The following ACO2 variants were observed in gnomAD, a reference collection of about 807,000 sequenced individuals.
The protein encoded by ACO2 is aconitate hydratase, mitochondrial.
Under a neutral mutation model 84.5 loss-of-function variants are expected in ACO2, and 31 were observed. The observed-to-expected ratio is 0.37, with a 90% CI of 0.28 to 0.50. ACO2 has a LOEUF of 0.50. Ranked by LOEUF, ACO2 falls within the 20% of genes least tolerant of loss-of-function variation. The pLI, the probability that ACO2 is intolerant of heterozygous loss-of-function variation, is 0.97. For missense variants in ACO2, 685 were observed against 1,029.3 expected (o/e 0.67, Z 4.58); for synonymous variants, 414 against 412.7 (o/e 1.00, Z -0.04).
Position 41,499,789 on chromosome 22 carries a change from A to G in ACO2, c.100A>G (p.Met34Val). 1 of 1,614,094 alleles carries G rather than the reference A, an allele frequency of 6.2e-7. No homozygotes were observed. Among genetic ancestry groups the G allele is most frequent in the Non-Finnish European group, 8.5e-7 (1 of 1,180,008 alleles). ...SVLCQRAKVA[M>V]SHFEPNEYIH... ...CCTGTGCCAACGGGCCAAGGTGGCG[A>G]TGAGCCACTTTGAGCCCAACGAGTA... is the stretch of plus-strand genomic sequence containing the variant. The change falls in exon 2 of 18, where the codon ATG (methionine) becomes GTG (valine). Residue 34 changes from methionine (M) to valine (V), a missense_variant. Met to Val is a conservative substitution (Grantham distance 21). Coordinates refer to ENST00000216254, the MANE Select transcript of ACO2 (RefSeq NM_001098.3).
At chr22:41,509,328 G>A (rs181599011) in intron 3 of ACO2, among the ~76,000 whole-genome samples, 2 of 152,150 alleles carry the variant, frequency 1.3e-5, no homozygotes, top group African/African-American at 2.4e-5. Flanking sequence ...TTCTTTATGT[G>A]CCAGGCACTG....
Position 41,528,641 on chromosome 22 carries a change from G to A in ACO2, c.*28G>A. On this transcript the variant is annotated 3_prime_UTR_variant, in exon 18 of 18. Transcript: ENST00000216254. ...GCAGTGCCTCCCCGCCCCGCCGCTG[G>A]CGTCAAGTTCAGCTCCACGTGTGCC... 1 of 1,608,200 alleles carries A rather than the reference G, an allele frequency of 6.2e-7. No individual in the cohort carries two copies. The highest frequency in any genetic ancestry group is 8.5e-7 in the Non-Finnish European group (1 of 1,178,812).
chr22:41,523,560 G>A (rs971686651), intron 11 of ACO2, among the ~76,000 whole-genome samples: 4 of 152,206 alleles, frequency 2.6e-5, no homozygotes, highest in African/African-American at 4.8e-5. Flanking sequence ...AGCCGTTTGG[G>A]AGGAGGCAGT....
intron 1 of ACO2, among the ~76,000 whole-genome samples, chr22:41,483,195 G>A (rs566714579): frequency 3.3e-5 from 5 of 152,310 alleles, no homozygotes; most frequent in African/African-American, 1.2e-4. Context: ...TGAGACGTAG[G>A]CTCCAAGTAT....
intron 9 of ACO2, chr22:41,521,341 A>G (rs1230677910): frequency 6.6e-6 from 1 of 152,272 alleles, no homozygotes; most frequent in Admixed American, 6.5e-5. Flanking sequence ...GCTGCTGGGT[A>G]CAGTGTGGCT....
chr22:41,479,178 A>C (rs1399031250), intron 1 of ACO2, among the ~76,000 whole-genome samples: 1 of 152,098 alleles, frequency 6.6e-6, no homozygotes, highest in Non-Finnish European at 1.5e-5. Flanking sequence ...GGTGGGACTA[A>C]GTACAGCCTC....
chr22:41,481,720 T>G (rs985947306), intron 1 of ACO2, among the ~76,000 whole-genome samples: 2 of 152,214 alleles, frequency 1.3e-5, no homozygotes, highest in Non-Finnish European at 2.9e-5. Flanking sequence ...CATCACGGCT[T>G]CTGCCAGAGG....
At chr22:41,492,009 G>A (rs2066274863) in intron 1 of ACO2, among the ~76,000 whole-genome samples, 1 of 152,170 alleles carries the variant, frequency 6.6e-6, no homozygotes, top group Non-Finnish European at 1.5e-5. Context: ...CACAGAAGGA[G>A]AGACCTGAGC....
intron 2 of ACO2, among the ~76,000 whole-genome samples, chr22:41,503,970 T>G (rs1207975951): frequency 6.6e-6 from 1 of 152,196 alleles, no homozygotes; most frequent in East Asian, 1.9e-4. Flanking sequence ...TCCCGGCACT[T>G]TGGGAGGCCG....
chr22:41,520,105 AGG>A (rs1333582686), intron 8 of ACO2, 64 bp from the exon 9 acceptor site: 2 of 1,410,398 alleles, frequency 1.4e-6, no homozygotes, highest in African/African-American at 2.8e-5. Flanking sequence ...GCAGTGAAAG[AGG>A]CTGTCCCCGC....
chr22:41,507,371 T>C (rs2066401239), intron 2 of ACO2, among the ~76,000 whole-genome samples: 1 of 152,110 alleles, frequency 6.6e-6, no homozygotes. Context: ...AGCTGTGAAC[T>C]TGGTCACTCT....
At chr22:41,508,803 AG>A in intron 3 of ACO2, among the ~76,000 whole-genome samples, 1 of 152,070 alleles carries the variant, frequency 6.6e-6, no homozygotes, top group East Asian at 1.9e-4. Context: ...CCCACTCTCC[AG>A]CCCCTGCAGT....
chr22:41,491,157 C>G (rs2066268845), intron 1 of ACO2, among the ~76,000 whole-genome samples: 1 of 151,788 alleles, frequency 6.6e-6, no homozygotes. Flanking sequence ...GCAAACATTC[C>G]AAGCAGAAGA....
At chr22:41,480,525 C>T (rs963246205) in intron 1 of ACO2, among the ~76,000 whole-genome samples, 5 of 152,160 alleles carry the variant, frequency 3.3e-5, no homozygotes, top group African/African-American at 1.2e-4. Context: ...GGAAAAACAT[C>T]TGCCCGTAAT....
At chr22:41,514,344 T>A (rs1294524282) in intron 4 of ACO2, among the ~76,000 whole-genome samples, 1 of 152,130 alleles carries the variant, frequency 6.6e-6, no homozygotes, top group Non-Finnish European at 1.5e-5. Context: ...AAACAATAAA[T>A]AAAAATGTTG....
chr22:41,527,619 C>A (rs1219817162), intron 16 of ACO2, 199 bp downstream of exon 16: 2 of 855,764 alleles, frequency 2.3e-6, no homozygotes, highest in Non-Finnish European at 3.5e-6. Context: ...GGCCCTGCTT[C>A]CAGGCTTGTA....
intron 2 of ACO2, among the ~76,000 whole-genome samples, chr22:41,506,235 G>A (rs1320575959): frequency 6.6e-6 from 1 of 151,622 alleles, no homozygotes; most frequent in Non-Finnish European, 1.5e-5. Context: ...CTACAGGCAC[G>A]CATCACCCTG....
Position 41,528,944 on chromosome 22 carries a change from T to C in ACO2, c.*331T>C. The C allele has an allele frequency of 3.9e-6, 2 of 512,682 alleles. No individual in the cohort carries two copies. Among genetic ancestry groups the C allele is most frequent in the Middle Eastern group, 5.1e-4 (1 of 1,972 alleles). The allele number at this position is 512,682 out of a possible 1,614,324, so 31.8% of individuals were successfully genotyped here. A position where few individuals can be genotyped will look rare whatever the true frequency, so the allele number is the denominator to read the frequency against. ...CTGAAGGATTCTAGAGAACCTTTTG[T>C]TCTTGCAAGGAAAACAAGAATCCAA... On this transcript the variant is annotated 3_prime_UTR_variant, in exon 18 of 18. Coordinates refer to ENST00000216254, the MANE Select transcript of ACO2 (RefSeq NM_001098.3).
chr22:41,523,078 G>T (rs2066540132), intron 10 of ACO2, 91 bp downstream of exon 10: 1 of 1,571,290 alleles, frequency 6.4e-7, no homozygotes, highest in Non-Finnish European at 8.7e-7. Flanking sequence ...TTGGGCCGGG[G>T]CTGGGGCAGG....
Sources: allele counts gnomAD v4.1 joint callset (sites outside exome capture counted in the v4.1 genomes callset), GRCh38; gene constraint gnomAD v4.1.1; transcripts MANE v1.5; gene names NCBI Gene and HGNC (gene_info 2026-07-23, HGNC 2026-07-21).